Variants in TENM4 observed in about 807,000 individuals in gnomAD.
TENM4 encodes the protein teneurin transmembrane protein 4, also known as teneurin-4.
A neutral mutation model predicts 243.3 loss-of-function variants in TENM4; 82 were observed. The ratio of observed to expected loss-of-function variants is 0.34; its 90% CI spans 0.28 to 0.40. The LOEUF (loss-of-function observed/expected upper bound fraction) is 0.40, where lower values mean the gene tolerates loss of function less well. TENM4 is among the 10% of genes least tolerant of loss of function. The probability of loss-of-function intolerance (pLI) is 1.00; values close to 1 mark genes in which losing one functional copy is unlikely to be tolerated. For synonymous variants in TENM4, 1,412 were observed against 1,456.3 expected (o/e 0.97, Z 0.69); for missense variants, 3,138 against 3,673.3 (o/e 0.85, Z 3.77).
At chr11:79,184,772 T>C (rs1401495977) in intron 3 of TENM4, among the ~76,000 whole-genome samples, 1 of 152,128 alleles carries the variant, frequency 6.6e-6, no homozygotes, top group East Asian at 1.9e-4. Flanking sequence ...GTTTGGAAGA[T>C]GAAAAGAGTT....
intron 31 of TENM4, among the ~76,000 whole-genome samples, chr11:78,671,627 C>T (rs570269040): frequency 1.7e-4 from 26 of 152,348 alleles, no homozygotes; most frequent in Admixed American, 3.3e-4. Context: ...ATGCCCAGCA[C>T]TTGAAGCTCA....
At chr11:79,130,909 T>C (rs1199119197) in intron 4 of TENM4, among the ~76,000 whole-genome samples, 1 of 152,052 alleles carries the variant, frequency 6.6e-6, no homozygotes, top group Non-Finnish European at 1.5e-5. Context: ...ACAATGGAAT[T>C]GAACAAGTAG....
intron 1 of TENM4, among the ~76,000 whole-genome samples, chr11:79,362,990 T>C (rs1857616658): frequency 6.6e-6 from 1 of 152,234 alleles, no homozygotes; most frequent in Non-Finnish European, 1.5e-5. Flanking sequence ...ATTGCCTGAC[T>C]GGCGATTAGT....
At chr11:78,800,435 A>C (rs1376776729) in intron 15 of TENM4, among the ~76,000 whole-genome samples, 1 of 151,980 alleles carries the variant, frequency 6.6e-6, no homozygotes, top group Non-Finnish European at 1.5e-5. Flanking sequence ...AGGAGCACAG[A>C]GATTTGGTGT....
chr11:79,283,726 A>C (rs1856200171), intron 2 of TENM4, among the ~76,000 whole-genome samples: 1 of 152,180 alleles, frequency 6.6e-6, no homozygotes, highest in African/African-American at 2.4e-5. Context: ...TAGTTAACAA[A>C]AAGAAATAAA....
chr11:78,992,652 C>T (rs901146352), intron 6 of TENM4, among the ~76,000 whole-genome samples: 2 of 152,098 alleles, frequency 1.3e-5, no homozygotes, highest in African/African-American at 4.8e-5. Context: ...ATAGCATGGA[C>T]AAAAGAAAGC....
intron 3 of TENM4, among the ~76,000 whole-genome samples, chr11:79,149,739 A>G (rs1344040852): frequency 6.6e-6 from 1 of 151,200 alleles, no homozygotes; most frequent in African/African-American, 2.4e-5. Flanking sequence ...TGTCGGGTTG[A>G]TCTTGGGCTG....
chr11:79,007,306 C>T (rs1040969731), intron 6 of TENM4, among the ~76,000 whole-genome samples: 32 of 151,844 alleles, frequency 2.1e-4, no homozygotes, highest in Middle Eastern at 3.4e-3. Flanking sequence ...GGGGCTGGAG[C>T]GGGGAGCAGT....
chr11:78,892,834 G>A (rs1183743829), intron 7 of TENM4, among the ~76,000 whole-genome samples: 1 of 152,160 alleles, frequency 6.6e-6, no homozygotes, highest in Non-Finnish European at 1.5e-5. Flanking sequence ...ATAAACAAGT[G>A]GAGAGCCAAG....
intron 4 of TENM4, among the ~76,000 whole-genome samples, chr11:79,145,124 A>G (rs907441136): frequency 1.3e-5 from 2 of 152,012 alleles, no homozygotes; most frequent in Non-Finnish European, 2.9e-5. Context: ...TCATACCTCA[A>G]CTTGGTCTAT....
intron 6 of TENM4, among the ~76,000 whole-genome samples, chr11:78,918,074 A>T (rs1856360578): frequency 6.6e-6 from 1 of 152,204 alleles, no homozygotes; most frequent in Non-Finnish European, 1.5e-5. Context: ...GTGCCAAGAA[A>T]TCCAAGTCTG....
At chr11:78,813,464 G>T (rs1857541061) in intron 13 of TENM4, among the ~76,000 whole-genome samples, 1 of 152,158 alleles carries the variant, frequency 6.6e-6, no homozygotes, top group Non-Finnish European at 1.5e-5. Flanking sequence ...TTACTTGTCT[G>T]TCTCTGAGAC....
chr11:78,669,884 A>C lies in TENM4; in HGVS notation c.6461T>G (p.Val2154Gly). Residue 2154 changes from valine (V) to glycine (G), a missense_variant, in exon 32 of 34, where the codon GTG (valine) becomes GGG (glycine). By Grantham distance (109) the Val-to-Gly change is moderately radical (BLOSUM62 -3). This residue lies in a region of TENM4 where 2,467 missense variants were observed against 3,059.1 expected (regional missense o/e 0.81). Coordinates refer to ENST00000278550, the MANE Select transcript of TENM4 (RefSeq NM_001098816.3). This position sits in a 1 kb window ranked among gnomAD's most constrained non-coding sequence, Gnocchi z 6.4. ...HFDAYGRMKEVQYEIFRSLMY... is the reference protein window; with the variant it reads ...HFDAYGRMKEGQYEIFRSLMY... Reference sequence around the variant, plus strand: ...GAGCGAGCGGAAGATCTCATACTGCACTTCCTTCATCCTGCCATATGCATC... The same window carrying C: ...GAGCGAGCGGAAGATCTCATACTGCCCTTCCTTCATCCTGCCATATGCATC... 6.2e-7 allele frequency: 1 copy of C among 1,613,774 alleles called. No homozygotes were observed. The highest frequency in any genetic ancestry group is 8.5e-7 in the Non-Finnish European group (1 of 1,179,822).
chr11:79,359,260 TA>T (rs1565314101), intron 1 of TENM4, among the ~76,000 whole-genome samples: 2 of 152,172 alleles, frequency 1.3e-5, no homozygotes, highest in South Asian at 2.1e-4. Context: ...ACTAAGGCAC[TA>T]AAAAAAGAAT....
chr11:78,672,165 G>A lies in TENM4; in HGVS notation c.5661C>T (p.Tyr1887=), dbSNP rs201074147. ...SSRLNGVNVT[Y]SPGGYIAGIQ... is the part of the protein sequence containing the mutation. Reference sequence around the variant, plus strand: ...TGCCAGCAATGTAACCCCCAGGGGAGTATGTCACGTTGACACCATTCAGCC... The same window carrying A: ...TGCCAGCAATGTAACCCCCAGGGGAATATGTCACGTTGACACCATTCAGCC... Residue 1887 remains tyrosine (Y), a synonymous_variant, in exon 31 of 34, where the codon TAC becomes TAT. Transcript: ENST00000278550. 2.5e-6 allele frequency: 4 copies of A among 1,614,016 alleles called. No individual in the cohort carries two copies. The highest frequency in any genetic ancestry group is 2.2e-5 in the East Asian group (1 of 44,882).
At chr11:79,378,996 T>C (rs1214897114) in intron 1 of TENM4, among the ~76,000 whole-genome samples, 2 of 146,650 alleles carry the variant, frequency 1.4e-5, no homozygotes, top group Admixed American at 6.7e-5. Flanking sequence ...GCAAACACAC[T>C]GGTAAGCCCA....
chr11:79,404,742 C>A (rs963661505), intron 1 of TENM4, among the ~76,000 whole-genome samples: 1 of 152,140 alleles, frequency 6.6e-6, no homozygotes, highest in Non-Finnish European at 1.5e-5. Context: ...ACATACCCAC[C>A]TGCTCAACAT....
At chr11:79,111,888 A>G (rs1475460489) in intron 4 of TENM4, among the ~76,000 whole-genome samples, 1 of 152,214 alleles carries the variant, frequency 6.6e-6, no homozygotes, top group African/African-American at 2.4e-5. Flanking sequence ...CTGGCTTGAA[A>G]GAATTTATTA....
chr11:79,096,355 G>C (rs1016199738), intron 4 of TENM4: 3 of 152,360 alleles, frequency 2.0e-5, no homozygotes, highest in Admixed American at 6.5e-5. Context: ...ACTCTGCAAG[G>C]AGATACATTA....
Sources: gnomAD v4.1 joint callset for allele counts (sites outside exome capture counted in the v4.1 genomes callset) on GRCh38, gnomAD v4.1.1 for gene constraint, gnomAD v4.1.1 regional missense constraint, Gnocchi (gnomAD v3.1) non-coding constraint, MANE v1.5 for transcripts, NCBI Gene and HGNC (gene_info 2026-07-23, HGNC 2026-07-21) for gene names.